The following TTBK2 variants were observed in gnomAD, a reference collection of about 807,000 sequenced individuals.
TTBK2 encodes the protein tau tubulin kinase 2, also known as tau-tubulin kinase 2.
A neutral mutation model predicts 110.8 loss-of-function variants in TTBK2; 28 were observed. The ratio of observed to expected loss-of-function variants is 0.25; its 90% confidence interval spans 0.19 to 0.35. The LOEUF (loss-of-function observed/expected upper bound fraction) is 0.35. Ranked by LOEUF, TTBK2 falls within the 10% of genes least tolerant of loss-of-function variation. The probability of loss-of-function intolerance (pLI) is 1.00; values close to 1 mark genes in which losing one functional copy is unlikely to be tolerated. For synonymous variants in TTBK2, 532 were observed against 527.3 expected (o/e 1.01, Z -0.12); for missense variants, 1,369 against 1,500.3 (o/e 0.91, Z 1.45).
intron 13 of TTBK2, among the ~76,000 whole-genome samples, chr15:42,754,250 T>C (rs553944255): frequency 6.6e-6 from 1 of 151,570 alleles, no homozygotes; most frequent in African/African-American, 2.4e-5. Context: ...ATCTGGCTAA[T>C]TTTTGCATTT....
In TTBK2 at chr15:42,744,534, T is replaced by C. The variant is rs1032889700; in HGVS notation, c.*1261A>G. The C allele has an allele frequency of 6.6e-6, 1 of 152,190 alleles. No individual in the cohort carries two copies. Among genetic ancestry groups the C allele is most frequent in the African/African-American group, 2.4e-5 (1 of 41,440 alleles). 9.4% of individuals were successfully genotyped at this position (152,190 alleles called of 1,614,324 possible). On this transcript the variant is annotated 3_prime_UTR_variant, in exon 15 of 15. Coordinates refer to ENST00000267890, the MANE Select transcript of TTBK2 (RefSeq NM_173500.4). ...ATTTTAAAAGTCTGGTAGACTTTCA[T>C]TTGCCTGATTCCTATTAGAAGAGTG...
intron 3 of TTBK2, among the ~76,000 whole-genome samples, chr15:42,868,689 T>C (rs1478592212): frequency 2.8e-5 from 4 of 142,016 alleles, no homozygotes; most frequent in Admixed American, 7.1e-5. Context: ...AGACTCTACA[T>C]CTCTACAAAA....
chr15:42,819,830 A>C (rs1418844669), intron 6 of TTBK2, among the ~76,000 whole-genome samples: 1 of 152,162 alleles, frequency 6.6e-6, no homozygotes, highest in African/African-American at 2.4e-5. Flanking sequence ...TTTATTCATT[A>C]CCTGACATGA....
chr15:42,798,347 A>C (rs1166000626), intron 9 of TTBK2: 3 of 455,738 alleles, frequency 6.6e-6, no homozygotes, highest in African/African-American at 2.0e-5. Flanking sequence ...GGCATGTCCC[A>C]TATCTCTTCA....
At chr15:42,864,476 C>T (rs1217327689) in intron 3 of TTBK2, among the ~76,000 whole-genome samples, 2 of 151,986 alleles carry the variant, frequency 1.3e-5, no homozygotes, top group East Asian at 1.9e-4. Context: ...CGCAAATACT[C>T]GGGAGGCTGA....
intron 2 of TTBK2, among the ~76,000 whole-genome samples, chr15:42,873,202 C>T (rs538831786): frequency 2.6e-5 from 4 of 152,200 alleles, no homozygotes; most frequent in South Asian, 2.1e-4. Context: ...GAGGCCAAGG[C>T]GGGCGGCTCA....
intron 10 of TTBK2, among the ~76,000 whole-genome samples, chr15:42,784,464 G>C (rs1318486346): frequency 1.3e-5 from 2 of 152,128 alleles, no homozygotes; most frequent in African/African-American, 4.8e-5. Context: ...TTTTAGTAGA[G>C]ACAGGGTTTC....
intron 1 of TTBK2, among the ~76,000 whole-genome samples, chr15:42,890,096 T>C (rs538878383): frequency 1.3e-5 from 2 of 152,306 alleles, no homozygotes; most frequent in South Asian, 2.1e-4. Context: ...CCATTGTGAT[T>C]TGTTTCTCCC....
intron 4 of TTBK2, among the ~76,000 whole-genome samples, chr15:42,839,802 T>C (rs1305731668): frequency 1.3e-5 from 2 of 152,154 alleles, no homozygotes; most frequent in Admixed American, 1.3e-4. Flanking sequence ...AGGTTCCTGA[T>C]AAAAAGGATG....
chr15:42,889,819 T>C (rs945051241), intron 1 of TTBK2, among the ~76,000 whole-genome samples: 19 of 152,112 alleles, frequency 1.2e-4, no homozygotes, highest in Non-Finnish European at 2.5e-4. Flanking sequence ...CCACTCTAGG[T>C]TCCCACGCCA....
At chr15:42,748,655 T>C (rs2061826974) in intron 14 of TTBK2, among the ~76,000 whole-genome samples, 1 of 151,858 alleles carries the variant, frequency 6.6e-6, no homozygotes, top group Non-Finnish European at 1.5e-5. Context: ...TCAAGCAATC[T>C]GCCTGCCTCA....
intron 6 of TTBK2, among the ~76,000 whole-genome samples, chr15:42,825,248 T>C (rs896624364): frequency 6.6e-6 from 1 of 152,206 alleles, no homozygotes; most frequent in African/African-American, 2.4e-5. Flanking sequence ...TCATGGCAGC[T>C]ATCTGCATCT....
At chr15:42,814,268 G>C (rs1891849127) in intron 7 of TTBK2, among the ~76,000 whole-genome samples, 2 of 152,064 alleles carry the variant, frequency 1.3e-5, no homozygotes, top group Non-Finnish European at 2.9e-5. Flanking sequence ...TATTATTTAA[G>C]AATTATTTAT....
chr15:42,816,902 G>C, intron 7 of TTBK2, 130 bp downstream of exon 7: 1 of 473,342 alleles, frequency 2.1e-6, no homozygotes, highest in African/African-American at 2.2e-5. Flanking sequence ...CCGGGCGACA[G>C]TGCAAGACTC....
chr15:42,917,852 TAG>T (rs1455679161), intron 1 of TTBK2, among the ~76,000 whole-genome samples: 1 of 152,158 alleles, frequency 6.6e-6, no homozygotes, highest in East Asian at 1.9e-4. Context: ...AATACATGAC[TAG>T]AGTAATTTTG....
At chr15:42,761,941 G>A (rs946173717) in intron 13 of TTBK2, among the ~76,000 whole-genome samples, 5 of 152,170 alleles carry the variant, frequency 3.3e-5, no homozygotes, top group Non-Finnish European at 5.9e-5. Flanking sequence ...GAATCATGGG[G>A]GCAGGTCTTT....
chr15:42,896,016 G>T (rs1895653292), intron 1 of TTBK2, among the ~76,000 whole-genome samples: 1 of 151,774 alleles, frequency 6.6e-6, no homozygotes, highest in African/African-American at 2.4e-5. Flanking sequence ...TGACAAAGAT[G>T]CAAAGGCAAT....
At chr15:42,751,707 C>T (rs1255378217) in intron 14 of TTBK2, among the ~76,000 whole-genome samples, 2 of 152,174 alleles carry the variant, frequency 1.3e-5, no homozygotes, top group African/African-American at 2.4e-5. Context: ...TTGAGTCACT[C>T]CACTCCAGCC....
intron 13 of TTBK2, among the ~76,000 whole-genome samples, chr15:42,767,916 G>A (rs765924641): frequency 6.6e-6 from 1 of 152,154 alleles, no homozygotes; most frequent in South Asian, 2.1e-4. Context: ...TATCCACCAC[G>A]ATTAAGTTGG....
Sources: gnomAD v4.1 joint callset for allele counts (sites outside exome capture counted in the v4.1 genomes callset) on GRCh38, gnomAD v4.1.1 for gene constraint, MANE v1.5 for transcripts, NCBI Gene and HGNC (gene_info 2026-07-23, HGNC 2026-07-21) for gene names.